The following FAM184B variants were observed in gnomAD, a reference collection of about 807,000 sequenced individuals.
FAM184B encodes family with sequence similarity 184 member B.
A neutral mutation model predicts 135.9 loss-of-function variants in FAM184B; 111 were observed. The observed-to-expected ratio is 0.82, with a 90% CI of 0.70 to 0.96. FAM184B has a LOEUF of 0.96. Among genes scored for constraint, FAM184B ranks in the 40% least tolerant of loss-of-function variants. FAM184B has a pLI of 0.00. For missense variants in FAM184B, 1,375 were observed against 1,323.9 expected (o/e 1.04, Z -0.60); for synonymous variants, 552 against 524.8 (o/e 1.05, Z -0.71).
intron 1 of FAM184B, among the ~76,000 whole-genome samples, chr4:17,742,477 C>G (rs1186018931): frequency 6.6e-6 from 1 of 152,110 alleles, no homozygotes; most frequent in Non-Finnish European, 1.5e-5. Context: ...CCTGGAACCA[C>G]AGGCCTGAGT....
chr4:17,778,587 C>T (rs1009754359), intron 1 of FAM184B, among the ~76,000 whole-genome samples: 12 of 152,146 alleles, frequency 7.9e-5, no homozygotes, highest in Admixed American at 1.3e-4. Context: ...AGATTGAATG[C>T]GGTGGCACAT....
chr4:17,647,453 T>A (rs1239031116), intron 12 of FAM184B, among the ~76,000 whole-genome samples, 184 bp downstream of exon 12: 3 of 152,104 alleles, frequency 2.0e-5, no homozygotes, highest in Non-Finnish European at 4.4e-5. Flanking sequence ...TCTTGCTATG[T>A]TGCCCTGGCT....
chr4:17,763,147 T>C (rs1175738754), intron 1 of FAM184B, among the ~76,000 whole-genome samples: 1 of 152,132 alleles, frequency 6.6e-6, no homozygotes, highest in Non-Finnish European at 1.5e-5. Context: ...CAAGGTCCGA[T>C]CATGCCTTGT....
intron 7 of FAM184B, among the ~76,000 whole-genome samples, chr4:17,678,760 A>T (rs966505427): frequency 6.6e-6 from 1 of 152,210 alleles, no homozygotes; most frequent in Non-Finnish European, 1.5e-5. Flanking sequence ...GAGGCATCAC[A>T]TTACCTGACT....
chr4:17,704,311 T>C (rs1717058791), intron 5 of FAM184B, among the ~76,000 whole-genome samples: 1 of 152,178 alleles, frequency 6.6e-6, no homozygotes, highest in Admixed American at 6.5e-5. Flanking sequence ...GAGACGAGGC[T>C]TTGCATGCCT....
chr4:17,759,112 A>T (rs16895665), intron 1 of FAM184B, among the ~76,000 whole-genome samples: 3,465 of 152,312 alleles, frequency 0.023, 134 homozygotes, highest in African/African-American at 0.078. Flanking sequence ...GTGTAGAGTT[A>T]GAAGCCCAGT....
At position 17,781,240 on chromosome 4, in the gene FAM184B, G is replaced by A. The variant is rs1005895103; in HGVS notation, c.60C>T (p.Ala20=). 6.4e-7 allele frequency: 1 copy of A among 1,550,818 alleles called. No individual in the cohort carries two copies. The highest frequency in any genetic ancestry group is 1.4e-5 in the African/African-American group (1 of 73,040). The part of the protein sequence containing the change: ...NPPGTCQGSK[A]DGGAGWRMDC... ...CCATTCTCCAGCCGGCGCCACCGTC[G>A]GCTTTGGAGCCCTGGCAAGTGCCGG... is the stretch of plus-strand genomic sequence containing the variant. Residue 20 remains alanine (A), a synonymous_variant, in exon 1 of 18, where the codon GCC becomes GCT. Transcript: ENST00000265018. The surrounding 1 kb of genome is among the most constrained non-coding windows in gnomAD (Gnocchi z 6.5).
Position 17,707,640 on chromosome 4 carries a change from G to T in FAM184B, c.1030+9C>A, listed in dbSNP as rs377346411. On this transcript the variant is annotated intron_variant, in intron 3 of 17. Transcript: ENST00000265018. ...GGTCTTTTAAGGAAATCATTCCAGGGCATCTCACCTGTCTGCTGTGTCCCA... is the reference window on the plus strand; with the variant it reads ...GGTCTTTTAAGGAAATCATTCCAGGTCATCTCACCTGTCTGCTGTGTCCCA... The T allele has an allele frequency of 3.0e-5, 47 of 1,551,426 alleles. No homozygotes were observed. The African/African-American group carries it at 6.2e-4, about 20-fold the overall frequency.
At chr4:17,651,251 G>A (rs1354248735) in intron 11 of FAM184B, among the ~76,000 whole-genome samples, 1 of 152,010 alleles carries the variant, frequency 6.6e-6, no homozygotes, top group African/African-American at 2.4e-5. Context: ...GAAATATTCA[G>A]TCATGGCCGG....
At chr4:17,652,732 C>T (rs1380019639) in intron 11 of FAM184B, 98 bp downstream of exon 11, 2 of 1,397,126 alleles carry the variant, frequency 1.4e-6, no homozygotes, top group South Asian at 1.4e-5. Flanking sequence ...CCTGTGAGCC[C>T]GAGAACCCTG....
chr4:17,645,798 G>C (rs1358045151), intron 12 of FAM184B, among the ~76,000 whole-genome samples: 1 of 151,834 alleles, frequency 6.6e-6, no homozygotes, highest in Non-Finnish European at 1.5e-5. Flanking sequence ...GCAACCTACA[G>C]AATGGGAGAA....
At chr4:17,767,199 C>G (rs979221383) in intron 1 of FAM184B, among the ~76,000 whole-genome samples, 17 of 152,298 alleles carry the variant, frequency 1.1e-4, no homozygotes, top group African/African-American at 3.8e-4. Flanking sequence ...CTGCACACCT[C>G]GTGGCAAGCA....
chr4:17,691,490 A>G (rs569254214), intron 6 of FAM184B, among the ~76,000 whole-genome samples: 72 of 152,118 alleles, frequency 4.7e-4, no homozygotes, highest in African/African-American at 1.7e-3. Flanking sequence ...GTTCGCGACC[A>G]GCCTGGGCAA....
At chr4:17,753,781 C>G (rs549701358) in intron 1 of FAM184B, among the ~76,000 whole-genome samples, 2 of 152,220 alleles carry the variant, frequency 1.3e-5, no homozygotes, top group African/African-American at 4.8e-5. Context: ...TCTTAGGTGA[C>G]CATAAGAGAG....
chr4:17,698,085 A>C (rs150718664), intron 5 of FAM184B, among the ~76,000 whole-genome samples: 133 of 151,942 alleles, frequency 8.8e-4, no homozygotes, highest in African/African-American at 1.7e-3. Context: ...GAGAAAAAAA[A>C]AAACAAACAA....
At chr4:17,707,543 T>C in intron 3 of FAM184B, 106 bp downstream of exon 3, 1 of 1,439,024 alleles carries the variant, frequency 6.9e-7, no homozygotes, top group South Asian at 1.4e-5. Context: ...CAAGCAGCCC[T>C]GCCCCTCCTC....
At chr4:17,698,467 G>A (rs553317876) in intron 5 of FAM184B, among the ~76,000 whole-genome samples, 15 of 152,284 alleles carry the variant, frequency 9.9e-5, no homozygotes, top group Admixed American at 5.2e-4. Context: ...TTCAGTTGGC[G>A]TATTACGAGA....
intron 17 of FAM184B, chr4:17,633,363 G>C (rs192423312): frequency 2.5e-5 from 5 of 199,028 alleles, no homozygotes; most frequent in Non-Finnish European, 3.0e-5. Context: ...TTAGTCTCAC[G>C]TCAGTCTGAT....
chr4:17,733,990 T>C (rs1381052766), intron 1 of FAM184B, among the ~76,000 whole-genome samples: 2 of 152,024 alleles, frequency 1.3e-5, no homozygotes, highest in Admixed American at 6.6e-5. Flanking sequence ...GAGATATAGA[T>C]CAATGGAACA....
Sources: allele counts gnomAD v4.1 joint callset (sites outside exome capture counted in the v4.1 genomes callset), GRCh38; gene constraint gnomAD v4.1.1; non-coding constraint Gnocchi (gnomAD v3.1); transcripts MANE v1.5; gene names NCBI Gene and HGNC (gene_info 2026-07-23, HGNC 2026-07-21).